Variants in FHIT observed in about 807,000 individuals in gnomAD.
FHIT encodes the protein fragile histidine triad diadenosine triphosphatase.
A neutral mutation model predicts 17.9 loss-of-function variants in FHIT; 19 were observed. The observed-to-expected ratio is 1.06, with a 90% confidence interval of 0.74 to 1.56. The LOEUF (loss-of-function observed/expected upper bound fraction) is 1.56. Among genes scored for constraint, FHIT ranks in the 40% most tolerant of loss-of-function variants. The pLI is 0.00. For missense variants in FHIT, 248 were observed against 189.2 expected (o/e 1.31, Z -1.82); for synonymous variants, 81 against 69.7 (o/e 1.16, Z -0.81).
chr3:61,212,116 C>T (rs572312093), intron 1 of FHIT, among the ~76,000 whole-genome samples: 1 of 152,234 alleles, frequency 6.6e-6, no homozygotes, highest in East Asian at 1.9e-4. Context: ...CAAAGGAACG[C>T]AGTTCCTCAC....
At chr3:61,245,324 G>T (rs1239057747) in intron 1 of FHIT, among the ~76,000 whole-genome samples, 2 of 152,184 alleles carry the variant, frequency 1.3e-5, no homozygotes, top group Non-Finnish European at 2.9e-5. Flanking sequence ...GGCTCAGAGA[G>T]ATTTGGACAC....
intron 5 of FHIT, among the ~76,000 whole-genome samples, chr3:60,449,275 C>A (rs575916381): frequency 6.6e-6 from 1 of 152,094 alleles, no homozygotes; most frequent in African/African-American, 2.4e-5. Context: ...CTTGTTCTAG[C>A]CTTTTGTGCC....
intron 5 of FHIT, among the ~76,000 whole-genome samples, chr3:60,102,620 A>T (rs945291709): frequency 6.6e-6 from 1 of 151,008 alleles, no homozygotes; most frequent in African/African-American, 2.5e-5. Flanking sequence ...GTTAAATAAG[A>T]ATAAAAAAAA....
chr3:60,708,062 A>G (rs2041419701), intron 4 of FHIT, among the ~76,000 whole-genome samples: 1 of 152,214 alleles, frequency 6.6e-6, no homozygotes, highest in South Asian at 2.1e-4. Context: ...ATAAATACAC[A>G]TTTAACTCAC....
chr3:59,996,814 G>C lies in FHIT; in HGVS notation c.279+14557C>G, dbSNP rs144937822. Among the ~76,000 whole-genome samples, 70 of 152,214 alleles carry C rather than the reference G, an allele frequency of 4.6e-4. 1 individual carries two copies. Among genetic ancestry groups the C allele is most frequent in the Middle Eastern group, 3.4e-3 (1 of 294 alleles). On this transcript the variant is annotated intron_variant, in intron 7 of 9. Coordinates refer to ENST00000492590, the MANE Select transcript of FHIT (RefSeq NM_002012.4). ...GCTAGCATTTGTCCACAATGAGATT[G>C]AGAAGCCATTCTATTGCTGACCAGA...
intron 4 of FHIT, among the ~76,000 whole-genome samples, chr3:60,781,144 T>A (rs546704101): frequency 6.6e-6 from 1 of 152,196 alleles, no homozygotes; most frequent in African/African-American, 2.4e-5. Flanking sequence ...CCAAAGCACA[T>A]AAGTGGAGAA....
chr3:60,862,166 T>C (rs1451332856), intron 3 of FHIT, among the ~76,000 whole-genome samples: 1 of 150,706 alleles, frequency 6.6e-6, no homozygotes, highest in Non-Finnish European at 1.5e-5. Context: ...AAATATGGAG[T>C]TTTTTGTTTT....
chr3:60,538,423 G>A (rs1185564804), intron 4 of FHIT, among the ~76,000 whole-genome samples: 3 of 151,870 alleles, frequency 2.0e-5, no homozygotes, highest in African/African-American at 4.8e-5. Flanking sequence ...TTTCTTCACA[G>A]AATTGGAAAA....
intron 4 of FHIT, among the ~76,000 whole-genome samples, chr3:60,642,335 G>T (rs1226713513): frequency 2.0e-5 from 3 of 152,216 alleles, no homozygotes; most frequent in African/African-American, 7.2e-5. Flanking sequence ...CAAAGCCACA[G>T]TTAGTTAGAA....
At chr3:60,054,909 C>T (rs186261920) in intron 5 of FHIT, among the ~76,000 whole-genome samples, 2 of 152,156 alleles carry the variant, frequency 1.3e-5, no homozygotes, top group Non-Finnish European at 2.9e-5. Flanking sequence ...TTTTTGTTTA[C>T]ATTTTACATT....
At position 60,312,278 on chromosome 3, in the gene FHIT, G is replaced by A. The variant is rs556571427; in HGVS notation, c.103+224582C>T. Among the ~76,000 whole-genome samples, 58 of 152,132 alleles carry A rather than the reference G, an allele frequency of 3.8e-4. No individual in the cohort carries two copies. In the South Asian group the frequency reaches 0.011, roughly 29 times the overall value. ...AGCCTCCTGAGTAACTAGAATTATAGGCATACACCATCATGCCTGGCTGAT... is the reference window on the plus strand; with the variant it reads ...AGCCTCCTGAGTAACTAGAATTATAAGCATACACCATCATGCCTGGCTGAT... On this transcript the variant is annotated intron_variant, in intron 5 of 9. Transcript: ENST00000492590.
At chr3:59,898,828 CAAT>C (rs1208548615) in intron 8 of FHIT, among the ~76,000 whole-genome samples, 1 of 152,098 alleles carries the variant, frequency 6.6e-6, no homozygotes, top group Non-Finnish European at 1.5e-5. Context: ...GCAAAAACAA[CAAT>C]AATAATGGCT....
At chr3:60,617,592 T>C (rs1341607834) in intron 4 of FHIT, 1 of 152,790 alleles carries the variant, frequency 6.5e-6, no homozygotes, top group African/African-American at 2.4e-5. Context: ...AGTAGGGAAT[T>C]GCTATTTTAA....
intron 1 of FHIT, among the ~76,000 whole-genome samples, chr3:61,201,746 CCCT>C (rs1032403434): frequency 2.8e-4 from 43 of 152,080 alleles, no homozygotes; most frequent in African/African-American, 9.9e-4. Flanking sequence ...TTCTCCTTCC[CCCT>C]GAGCTACACC....
At chr3:59,895,616 T>G (rs953972979) in intron 8 of FHIT, among the ~76,000 whole-genome samples, 7 of 152,166 alleles carry the variant, frequency 4.6e-5, no homozygotes, top group African/African-American at 1.4e-4. Flanking sequence ...TTACGTCAAC[T>G]TGACCAGCAC....
chr3:60,995,363 G>T (rs770386205), intron 3 of FHIT, among the ~76,000 whole-genome samples: 1 of 152,094 alleles, frequency 6.6e-6, no homozygotes, highest in Non-Finnish European at 1.5e-5. Context: ...CTCTGCTGCT[G>T]CCTCAAAGGT....
chr3:60,668,469 T>TAGGTGACC (rs1176034433), intron 4 of FHIT, among the ~76,000 whole-genome samples: 1 of 150,664 alleles, frequency 6.6e-6, no homozygotes, highest in Non-Finnish European at 1.5e-5. Flanking sequence ...ACACTCGGTC[T>TAGGTGACC]AGGTGACCAT....
intron 4 of FHIT, among the ~76,000 whole-genome samples, chr3:60,625,401 C>G (rs1414344748): frequency 1.3e-5 from 2 of 152,146 alleles, no homozygotes; most frequent in Non-Finnish European, 2.9e-5. Flanking sequence ...GTTACATTCT[C>G]ACCAGCAATG....
At chr3:61,039,714 G>A (rs1180254313) in intron 3 of FHIT, among the ~76,000 whole-genome samples, 1 of 152,144 alleles carries the variant, frequency 6.6e-6, no homozygotes, top group African/African-American at 2.4e-5. Flanking sequence ...AGGGGTAGGA[G>A]TCTGCGGGGG....
Sources: allele counts gnomAD v4.1 joint callset (sites outside exome capture counted in the v4.1 genomes callset), GRCh38; gene constraint gnomAD v4.1.1; transcripts MANE v1.5; gene names NCBI Gene and HGNC (gene_info 2026-07-23, HGNC 2026-07-21).